The following HBP1 variants were observed in gnomAD, a reference collection of about 807,000 sequenced individuals.
The protein encoded by HBP1 is HMG-box transcription factor 1, also known as HMG box-containing protein 1.
A neutral mutation model predicts 62.6 loss-of-function variants in HBP1; 20 were observed. That is an observed-to-expected ratio of 0.32 (90% CI 0.22 to 0.46). The LOEUF (loss-of-function observed/expected upper bound fraction) is 0.46. Ranked by LOEUF, HBP1 falls within the 20% of genes least tolerant of loss-of-function variation. The pLI is 1.00. For missense variants in HBP1, 480 were observed against 611.8 expected, an observed-to-expected ratio of 0.78 and a Z score of 2.27; for synonymous variants, 232 against 206.2, an observed-to-expected ratio of 1.12 and a Z score of -1.07.
rs796650011 is a variant in HBP1 at position 107,190,038 on chromosome 7, C to G, written c.923-135C>G. On this transcript the variant is annotated intron_variant, in intron 7 of 10. Transcript: ENST00000222574. ...TATCTAGTACTTTATTGTAAAGATA[C>G]ATGACTTGTGTTAGAGAATCTCTTG... is the stretch of plus-strand genomic sequence containing the variant. 17 of 626,160 alleles carry G rather than the reference C, an allele frequency of 2.7e-5. No homozygotes were observed. The African/African-American group carries it at 2.8e-4, about 10-fold the overall frequency. The allele number at this position is 626,160 out of a possible 1,614,324, so 38.8% of individuals were successfully genotyped here.
At chr7:107,200,391 GGTTGT>G in intron 10 of HBP1, 90 bp downstream of exon 10, 1 of 1,030,906 alleles carries the variant, frequency 9.7e-7, no homozygotes, top group Middle Eastern at 2.1e-4. Context: ...ACCTTTAAGA[GGTTGT>G]GTTGATGCTG....
Position 107,169,717 on chromosome 7 carries a change from C to A in HBP1, c.-16+532C>A, listed in dbSNP as rs923362231. Reference sequence around the variant, plus strand: ...CGCTGGGCCCCGGGGCTCATTGTTACGCAGTTCGAATGAATGGGCTCCCAG... The same window carrying A: ...CGCTGGGCCCCGGGGCTCATTGTTAAGCAGTTCGAATGAATGGGCTCCCAG... On this transcript the variant is annotated intron_variant, in intron 1 of 10. Coordinates refer to ENST00000222574, the MANE Select transcript of HBP1 (RefSeq NM_012257.4). 4 of 984,714 alleles carry A rather than the reference C, an allele frequency of 4.1e-6. No individual in the cohort carries two copies. The African/African-American group carries it at 7.0e-5, about 17-fold the overall frequency. The allele number at this position is 984,714 out of a possible 1,614,324, so 61.0% of individuals were successfully genotyped here.
At chr7:107,174,371 T>A (rs1376000627) in intron 1 of HBP1, 7 of 622,976 alleles carry the variant, frequency 1.1e-5, no homozygotes, top group African/African-American at 4.0e-5. Context: ...CAGTAAATAT[T>A]TATTTGGTTC....
In HBP1 at chr7:107,186,444, T is replaced by C; in HGVS notation, c.624T>C (p.Pro208=). 2 of 1,612,094 alleles carry C rather than the reference T, an allele frequency of 1.2e-6. No individual in the cohort carries two copies. The highest frequency in any genetic ancestry group is 1.7e-6 in the Non-Finnish European group (2 of 1,178,386). Residue 208 remains proline (P), a synonymous_variant, in exon 5 of 11, where the codon CCT becomes CCC. Transcript: ENST00000222574. The part of the protein sequence containing the change: ...DDDLGWCNSW[P]STVWHCFLKG... ...ATTTGGGATGGTGCAATTCCTGGCCTTCAACTGTCTGGCACTGTTTTTTGA... is the reference window on the plus strand; with the variant it reads ...ATTTGGGATGGTGCAATTCCTGGCCCTCAACTGTCTGGCACTGTTTTTTGA...
intron 1 of HBP1, chr7:107,173,577 G>C (rs1272789050): frequency 1.3e-5 from 2 of 152,182 alleles, no homozygotes; most frequent in Non-Finnish European, 2.9e-5. Context: ...TGAAGTACAT[G>C]GAAGTGCTGT....
intron 1 of HBP1, chr7:107,169,658 G>A: frequency 1.3e-6 from 1 of 790,576 alleles, no homozygotes; most frequent in South Asian, 5.7e-5. Context: ...CTGGACTGAG[G>A]GGGATTCTGG....
chr7:107,171,046 A>AATATATATATATATATATAT (rs374693805), intron 1 of HBP1, among the ~76,000 whole-genome samples: 10 of 60,522 alleles, frequency 1.7e-4, no homozygotes, highest in African/African-American at 7.6e-4. Context: ...TACATGTATA[A>AATATATATATATATATATAT]ATATATATAT....
intron 10 of HBP1, 37 bp downstream of exon 10, chr7:107,200,338 C>T: frequency 1.3e-6 from 2 of 1,579,656 alleles, no homozygotes; most frequent in African/African-American, 1.3e-5. Context: ...ATTATCTTGC[C>T]TTATCCGTGC....
At chr7:107,170,974 C>CATATACATGTATATATATAAAATATATAA (rs1238761606) in intron 1 of HBP1, among the ~76,000 whole-genome samples, 2 of 125,896 alleles carry the variant, frequency 1.6e-5, no homozygotes, top group Non-Finnish European at 3.4e-5. Flanking sequence ...AAATATATAA[C>CATATACATGTATATATATAAAATATATAA]ATACATGTAT....
At chr7:107,196,272 T>TAA in intron 9 of HBP1, 121 bp downstream of exon 9, 2 of 738,342 alleles carry the variant, frequency 2.7e-6, no homozygotes, top group Middle Eastern at 2.3e-4. Flanking sequence ...TAGGTTGACT[T>TAA]TTTTGTTTGT....
chr7:107,183,311 A>G (rs1197803791), intron 3 of HBP1, among the ~76,000 whole-genome samples: 1 of 152,220 alleles, frequency 6.6e-6, no homozygotes, highest in Non-Finnish European at 1.5e-5. Context: ...GTTTTATACT[A>G]GGTAATGTAG....
At chr7:107,192,785 A>G (rs754435352) in intron 8 of HBP1, 9 of 152,194 alleles carry the variant, frequency 5.9e-5, no homozygotes, top group Non-Finnish European at 1.3e-4. Context: ...TGACTTCAAT[A>G]TAACAGCAGG....
chr7:107,171,930 T>G (rs913531952), intron 1 of HBP1, among the ~76,000 whole-genome samples: 2 of 150,648 alleles, frequency 1.3e-5, no homozygotes, highest in South Asian at 4.2e-4. Context: ...GAGTATTTAC[T>G]TAGAATGGAA....
rs147644313 is a variant in HBP1, at chr7:107,175,382, G to C, written c.-15-4497G>C. Among the ~76,000 whole-genome samples, 669 of 152,178 alleles carry C rather than the reference G, an allele frequency of 4.4e-3. 3 individuals are homozygous for C. Among genetic ancestry groups the C allele is most frequent in the African/African-American group, 0.015 (639 of 41,494 alleles). ...ACTTTTATTGCCATTTTATAAACAA[G>C]GCATGAAGATTTTAAGTAAATTATT... On this transcript the variant is annotated intron_variant, in intron 1 of 10. Coordinates refer to ENST00000222574, the MANE Select transcript of HBP1 (RefSeq NM_012257.4).
intron 8 of HBP1, among the ~76,000 whole-genome samples, chr7:107,191,582 G>T (rs977737458): frequency 3.3e-5 from 5 of 152,146 alleles, no homozygotes; most frequent in African/African-American, 9.7e-5. Context: ...CAAAAATGTG[G>T]AAACAGTATC....
chr7:107,171,657 G>T (rs191180109), intron 1 of HBP1, among the ~76,000 whole-genome samples: 2 of 151,974 alleles, frequency 1.3e-5, no homozygotes, highest in Non-Finnish European at 2.9e-5. Context: ...TGAGGTCAGG[G>T]GTTCAAGACC....
chr7:107,191,002 C>T (rs1050164813), intron 8 of HBP1, among the ~76,000 whole-genome samples: 1 of 152,126 alleles, frequency 6.6e-6, no homozygotes, highest in South Asian at 2.1e-4. Context: ...GAACAATTGG[C>T]CACCTTGCTC....
chr7:107,192,317 A>G lies in HBP1; in HGVS notation c.1067+2000A>G, dbSNP rs1472755358. Among the ~76,000 whole-genome samples, 4 of 152,074 alleles carry G rather than the reference A, an allele frequency of 2.6e-5. No individual in the cohort carries two copies. In the South Asian group the frequency reaches 6.2e-4, roughly 24 times the overall value. On this transcript the variant is annotated intron_variant, in intron 8 of 10. Transcript: ENST00000222574. Reference sequence around the variant, plus strand: ...AGTTCTAGAAATTAGTCAAGGGTCAACCTTGTAAGTAGACTTTTGAAAGGA... The same window carrying G: ...AGTTCTAGAAATTAGTCAAGGGTCAGCCTTGTAAGTAGACTTTTGAAAGGA...
At chr7:107,184,239 T>C (rs1437132762) in intron 3 of HBP1, among the ~76,000 whole-genome samples, 1 of 152,192 alleles carries the variant, frequency 6.6e-6, no homozygotes, top group Non-Finnish European at 1.5e-5. Context: ...TATCTAAATG[T>C]GTAATAACAG....
Sources: gnomAD v4.1 joint callset for allele counts (sites outside exome capture counted in the v4.1 genomes callset) on GRCh38, gnomAD v4.1.1 for gene constraint, MANE v1.5 for transcripts, NCBI Gene and HGNC (gene_info 2026-07-23, HGNC 2026-07-21) for gene names.